SHISA6: variants seen among roughly 807,000 people sequenced by gnomAD.
SHISA6 encodes shisa family member 6.
SHISA6 carries 22 observed loss-of-function variants against 47.9 expected under a neutral mutation model. That is an observed-to-expected ratio of 0.46 (90% CI 0.33 to 0.66). SHISA6 has a LOEUF of 0.66. SHISA6 is among the 30% of genes least tolerant of loss of function. The probability of loss-of-function intolerance (pLI) is 0.02; values close to 1 mark genes in which losing one functional copy is unlikely to be tolerated. For synonymous variants in SHISA6, 388 were observed against 337.8 expected (o/e 1.15, Z -1.63); for missense variants, 680 against 764.6 (o/e 0.89, Z 1.30).
intron 2 of SHISA6, among the ~76,000 whole-genome samples, chr17:11,357,047 T>C (rs144266830): frequency 0.023 from 3,489 of 151,974 alleles, 112 homozygotes; most frequent in African/African-American, 0.07. Flanking sequence ...TAGCTGGGCG[T>C]GGTGGCAGGC....
chr17:11,295,951 G>A (rs974271712), intron 2 of SHISA6, among the ~76,000 whole-genome samples: 6 of 127,958 alleles, frequency 4.7e-5, no homozygotes, highest in African/African-American at 9.0e-5. Flanking sequence ...GTGATGGAGC[G>A]AGACTCCATC....
At chr17:11,554,474 G>C (rs1442303769) in intron 4 of SHISA6, among the ~76,000 whole-genome samples, 1 of 152,116 alleles carries the variant, frequency 6.6e-6, no homozygotes, top group Admixed American at 6.5e-5. Context: ...GGGCTTCTCT[G>C]TCTCCCACCT....
At chr17:11,367,364 G>A (rs1912487551) in intron 2 of SHISA6, among the ~76,000 whole-genome samples, 1 of 152,192 alleles carries the variant, frequency 6.6e-6, no homozygotes, top group African/African-American at 2.4e-5. Flanking sequence ...GACAGAGAAA[G>A]GGGATGGCTG....
At chr17:11,457,038 T>C (rs1915559829) in intron 3 of SHISA6, among the ~76,000 whole-genome samples, 1 of 152,178 alleles carries the variant, frequency 6.6e-6, no homozygotes, top group Non-Finnish European at 1.5e-5. Flanking sequence ...TCCCTTGATA[T>C]TGGGAGATTC....
intron 3 of SHISA6, among the ~76,000 whole-genome samples, chr17:11,519,401 T>C (rs1204483042): frequency 6.6e-6 from 1 of 152,102 alleles, no homozygotes; most frequent in African/African-American, 2.4e-5. Flanking sequence ...AGAACAAAAA[T>C]TCAACAGTTT....
intron 3 of SHISA6, among the ~76,000 whole-genome samples, chr17:11,478,268 TTTGTTTTTTTC>T (rs1339455054): frequency 1.1e-4 from 6 of 53,272 alleles, no homozygotes; most frequent in Non-Finnish European, 1.9e-4. Context: ...GATGGGGTTG[TTTGTTTTTTTC>T]TTGTAAATTT....
intron 3 of SHISA6, among the ~76,000 whole-genome samples, chr17:11,477,779 A>G (rs1348967128): frequency 6.6e-6 from 1 of 150,814 alleles, no homozygotes; most frequent in African/African-American, 2.4e-5. Context: ...ATAGTATTCC[A>G]TGGTGTATAT....
intron 2 of SHISA6, among the ~76,000 whole-genome samples, chr17:11,334,820 G>T (rs138178213): frequency 1.2e-4 from 18 of 152,324 alleles, no homozygotes; most frequent in African/African-American, 4.3e-4. Context: ...TGGACACCTG[G>T]AATTCAGCCC....
chr17:11,330,072 C>T (rs1251931679), intron 2 of SHISA6, among the ~76,000 whole-genome samples: 1 of 152,154 alleles, frequency 6.6e-6, no homozygotes, highest in Non-Finnish European at 1.5e-5. Context: ...CAAGTCCCAA[C>T]TTGCATCATC....
chr17:11,332,630 G>C (rs1379958279), intron 2 of SHISA6, among the ~76,000 whole-genome samples: 1 of 152,140 alleles, frequency 6.6e-6, no homozygotes, highest in African/African-American at 2.4e-5. Context: ...TTTGCTTTCT[G>C]TCTCCTTTTG....
At chr17:11,527,365 T>C (rs555031319) in intron 3 of SHISA6, among the ~76,000 whole-genome samples, 2 of 152,302 alleles carry the variant, frequency 1.3e-5, no homozygotes, top group African/African-American at 4.8e-5. Flanking sequence ...TCATTCCACA[T>C]AGATTCTTTG....
intron 3 of SHISA6, among the ~76,000 whole-genome samples, chr17:11,475,639 A>G (rs1916034026): frequency 6.6e-6 from 1 of 152,092 alleles, no homozygotes; most frequent in Non-Finnish European, 1.5e-5. Context: ...CCACTTGGTC[A>G]TGGTGTATAA....
chr17:11,444,108 C>G (rs915156254), intron 3 of SHISA6, among the ~76,000 whole-genome samples: 3 of 152,124 alleles, frequency 2.0e-5, no homozygotes, highest in Non-Finnish European at 2.9e-5. Context: ...CACTTGAGGT[C>G]AGGAGTTGGA....
At chr17:11,308,182 G>A (rs2142183795) in intron 2 of SHISA6, among the ~76,000 whole-genome samples, 1 of 152,288 alleles carries the variant, frequency 6.6e-6, no homozygotes, top group East Asian at 1.9e-4. Flanking sequence ...GCAGTCCAGA[G>A]GGACGAACCA....
intron 2 of SHISA6, among the ~76,000 whole-genome samples, chr17:11,333,086 G>A (rs1911187016): frequency 2.6e-5 from 4 of 152,178 alleles, no homozygotes; most frequent in Admixed American, 2.0e-4. Flanking sequence ...CAAGAACACA[G>A]CAGCAATGAC....
At chr17:11,279,174 C>T (rs1214299143) in intron 2 of SHISA6, among the ~76,000 whole-genome samples, 1 of 152,134 alleles carries the variant, frequency 6.6e-6, no homozygotes, top group Non-Finnish European at 1.5e-5. Context: ...GCTTGCAGGT[C>T]TTCCTCGGGC....
At chr17:11,470,859 A>G (rs1040884603) in intron 3 of SHISA6, among the ~76,000 whole-genome samples, 1 of 152,176 alleles carries the variant, frequency 6.6e-6, no homozygotes. Flanking sequence ...CTAACAAGGG[A>G]TAATGCAGTC....
At chr17:11,410,486 T>A (rs1482078516) in intron 3 of SHISA6, among the ~76,000 whole-genome samples, 1 of 152,216 alleles carries the variant, frequency 6.6e-6, no homozygotes, top group Admixed American at 6.5e-5. Context: ...GTATTTGAAT[T>A]CAGGTCCAAT....
intron 3 of SHISA6, among the ~76,000 whole-genome samples, chr17:11,389,916 G>A (rs1012892394): frequency 2.0e-5 from 3 of 152,204 alleles, no homozygotes; most frequent in African/African-American, 7.2e-5. Flanking sequence ...CCAGGAAGGT[G>A]GTAGGAATGG....
Sources: gnomAD v4.1 joint callset for allele counts (sites outside exome capture counted in the v4.1 genomes callset) on GRCh38, gnomAD v4.1.1 for gene constraint, MANE v1.5 for transcripts, NCBI Gene and HGNC (gene_info 2026-07-23, HGNC 2026-07-21) for gene names.